Variants in PHKB observed in about 807,000 individuals in gnomAD.
The protein encoded by PHKB is phosphorylase kinase regulatory subunit beta, also known as phosphorylase b kinase regulatory subunit beta.
In PHKB, 122 loss-of-function variants were observed where a neutral mutation model predicts 152.1. The ratio of observed to expected loss-of-function variants is 0.80; its 90% CI spans 0.69 to 0.93. PHKB has a LOEUF of 0.93. Ranked by LOEUF, PHKB falls within the 40% of genes least tolerant of loss-of-function variation. PHKB has a pLI of 0.00. For missense variants in PHKB, 1,304 were observed against 1,328.4 expected, an observed-to-expected ratio of 0.98 and a Z score of 0.29; for synonymous variants, 436 against 464.9, an observed-to-expected ratio of 0.94 and a Z score of 0.80.
intron 1 of PHKB, among the ~76,000 whole-genome samples, chr16:47,486,067 A>T (rs1281005433): frequency 1.3e-5 from 2 of 152,102 alleles, no homozygotes; most frequent in Non-Finnish European, 2.9e-5. Flanking sequence ...GTCACCTACC[A>T]TGTATTAGAT....
rs1972751666 is a variant in PHKB at position 47,628,418 on chromosome 16, G to T, written c.1459-12617G>T. On this transcript the variant is annotated intron_variant, in intron 14 of 30. Transcript: ENST00000323584. The stretch of plus-strand genomic sequence containing the variant: ...GTGGTGGCAGGCACCTGCAGTCCCA[G>T]CTACTTGGGAGGCTGAGGCAGGAGA... Among the ~76,000 whole-genome samples the T allele has an allele frequency of 2.0e-5, 3 of 152,238 alleles. No individual in the cohort carries two copies. The South Asian group carries it at 6.2e-4, about 32-fold the overall frequency.
chr16:47,528,387 C>T (rs1970802295), intron 6 of PHKB, among the ~76,000 whole-genome samples: 1 of 152,076 alleles, frequency 6.6e-6, no homozygotes, highest in Non-Finnish European at 1.5e-5. Flanking sequence ...GAGAATAGCT[C>T]TCTAGCTAGT....
chr16:47,528,729 C>T (rs1970809518), intron 6 of PHKB, among the ~76,000 whole-genome samples: 1 of 142,190 alleles, frequency 7.0e-6, no homozygotes, highest in South Asian at 2.2e-4. Context: ...GACGGAGTCT[C>T]ACTGTCTCCC....
chr16:47,499,655 T>C, intron 2 of PHKB, 101 bp from the exon 3 acceptor site: 3 of 1,378,796 alleles, frequency 2.2e-6, no homozygotes, highest in Non-Finnish European at 3.1e-6. Flanking sequence ...AGAAACAAAA[T>C]CGTCAGAAGT....
chr16:47,543,074 G>A (rs1342441931), intron 6 of PHKB, among the ~76,000 whole-genome samples: 2 of 152,158 alleles, frequency 1.3e-5, no homozygotes, highest in African/African-American at 4.8e-5. Context: ...TCCCTGTCTT[G>A]TGCCAGTTTT....
intron 20 of PHKB, 93 bp from the exon 21 acceptor site, chr16:47,660,413 G>A (rs567760918): frequency 1.0e-6 from 1 of 959,048 alleles, no homozygotes; most frequent in East Asian, 2.4e-5. Context: ...ATTTTTTGAA[G>A]TATTACTTAA....
At chr16:47,697,528 A>C (rs1974168773) in intron 29 of PHKB, among the ~76,000 whole-genome samples, 1 of 152,172 alleles carries the variant, frequency 6.6e-6, no homozygotes, top group South Asian at 2.1e-4. Flanking sequence ...ACCTACAGCA[A>C]AACTTCATAT....
intron 8 of PHKB, 73 bp from the exon 9 acceptor site, chr16:47,587,595 C>T: frequency 1.8e-6 from 2 of 1,090,176 alleles, no homozygotes; most frequent in Non-Finnish European, 2.8e-6. Context: ...GTGAAGTTTT[C>T]ACAGTCAAAA....
intron 6 of PHKB, among the ~76,000 whole-genome samples, chr16:47,534,137 CA>C (rs933556336): frequency 2.6e-5 from 4 of 152,254 alleles, no homozygotes; most frequent in Admixed American, 2.0e-4. Context: ...CCCCACAGAG[CA>C]TGCAGCCCGG....
chr16:47,464,482 G>T (rs1969632938), intron 1 of PHKB, among the ~76,000 whole-genome samples: 1 of 152,176 alleles, frequency 6.6e-6, no homozygotes, highest in South Asian at 2.1e-4. Flanking sequence ...CCTTTATCCT[G>T]TGGCATCCTG....
At chr16:47,513,961 C>T (rs1970552717) in intron 5 of PHKB, among the ~76,000 whole-genome samples, 1 of 152,124 alleles carries the variant, frequency 6.6e-6, no homozygotes, top group Non-Finnish European at 1.5e-5. Flanking sequence ...ACATTGTCAT[C>T]ACCCCAGAAA....
chr16:47,492,376 T>A (rs1366032058), intron 1 of PHKB, among the ~76,000 whole-genome samples: 13 of 151,986 alleles, frequency 8.6e-5, no homozygotes, highest in Admixed American at 8.5e-4. Context: ...AAATGTCTTC[T>A]AAAAGGAAAA....
At chr16:47,562,656 T>G (rs1971496353) in intron 7 of PHKB, among the ~76,000 whole-genome samples, 1 of 152,238 alleles carries the variant, frequency 6.6e-6, no homozygotes, top group Non-Finnish European at 1.5e-5. Flanking sequence ...AGGTCTTGCC[T>G]CAGTCTTGAT....
chr16:47,611,428 A>G (rs1478327058), intron 14 of PHKB, among the ~76,000 whole-genome samples: 2 of 152,158 alleles, frequency 1.3e-5, no homozygotes, highest in African/African-American at 4.8e-5. Flanking sequence ...GATCAGCAAG[A>G]TTGATACTGA....
intron 16 of PHKB, among the ~76,000 whole-genome samples, chr16:47,647,456 T>A (rs1439550052): frequency 6.6e-6 from 1 of 152,050 alleles, no homozygotes; most frequent in Non-Finnish European, 1.5e-5. Context: ...CTTCAATCAT[T>A]TCAACATTGA....
At chr16:47,653,392 C>T (rs1408115045) in intron 20 of PHKB, among the ~76,000 whole-genome samples, 1 of 152,148 alleles carries the variant, frequency 6.6e-6, no homozygotes, top group Non-Finnish European at 1.5e-5. Flanking sequence ...TAGTAACTCC[C>T]TAAGTGTTTA....
intron 7 of PHKB, among the ~76,000 whole-genome samples, chr16:47,549,812 C>G (rs1468395282): frequency 6.6e-6 from 1 of 152,144 alleles, no homozygotes; most frequent in Admixed American, 6.6e-5. Flanking sequence ...AAAACAGGCT[C>G]CAACTTGTAT....
chr16:47,620,952 G>A (rs900302848), intron 14 of PHKB, among the ~76,000 whole-genome samples: 9 of 152,126 alleles, frequency 5.9e-5, no homozygotes, highest in Non-Finnish European at 1.2e-4. Context: ...GTTTAAAATG[G>A]TATAAAGTGT....
chr16:47,482,802 C>T (rs763474670), intron 1 of PHKB, among the ~76,000 whole-genome samples: 1 of 151,960 alleles, frequency 6.6e-6, no homozygotes, highest in Non-Finnish European at 1.5e-5. Context: ...CTCACTGCAA[C>T]CTCTGCCTCC....
Sources: gnomAD v4.1 joint callset for allele counts (sites outside exome capture counted in the v4.1 genomes callset) on GRCh38, gnomAD v4.1.1 for gene constraint, MANE v1.5 for transcripts, NCBI Gene and HGNC (gene_info 2026-07-23, HGNC 2026-07-21) for gene names.